GALNT18: variants seen among roughly 807,000 people sequenced by gnomAD.
The protein encoded by GALNT18 is polypeptide N-acetylgalactosaminyltransferase 18.
In GALNT18, 44 loss-of-function variants were observed where a neutral mutation model predicts 69.5. That is an observed-to-expected ratio of 0.63 (90% confidence interval 0.50 to 0.81). GALNT18 has a LOEUF of 0.81. Ranked by LOEUF, GALNT18 falls within the 40% of genes least tolerant of loss-of-function variation. GALNT18 has a pLI of 0.00. For missense variants in GALNT18, 715 were observed against 810.0 expected, an observed-to-expected ratio of 0.88 and a Z score of 1.42; for synonymous variants, 364 against 318.2, an observed-to-expected ratio of 1.14 and a Z score of -1.53.
Position 11,538,370 on chromosome 11 carries a change from C to CT in GALNT18, c.235+82988dup, listed in dbSNP as rs1857831896. Among the ~76,000 whole-genome samples the CT allele has an allele frequency of 6.6e-6, 1 of 152,160 alleles. No individual in the cohort carries two copies. The highest frequency in any genetic ancestry group is 1.5e-5 in the Non-Finnish European group (1 of 68,036). On this transcript the variant is annotated intron_variant, in intron 1 of 10. Transcript: ENST00000227756. The surrounding 1 kb of genome is among the most constrained non-coding windows in gnomAD (Gnocchi z 5.2). ...AGCAGCTGGAGGAGGGCTGCTCTTT[C>CT]TGCCGCATGTTCATTTCAGCTGAGC...
At chr11:11,448,712 T>C in intron 2 of GALNT18, 32 bp downstream of exon 2, 1 of 1,579,184 alleles carries the variant, frequency 6.3e-7, no homozygotes, top group East Asian at 2.2e-5. Flanking sequence ...CATAGGCAGG[T>C]CGACAAGGGC....
At position 11,358,826 on chromosome 11, in the gene GALNT18, A is replaced by AACACACACACACACACACACACACAC. The variant is rs10644506; in HGVS notation, c.1092+13663_1092+13688dup. ...AAGCTAACAGCCCCAATCCACACAA[A>AACACACACACACACACACACACACAC]ACACACACACACACACACACACACA... On this transcript the variant is annotated intron_variant, in intron 6 of 10. Transcript: ENST00000227756. Among the ~76,000 whole-genome samples the AACACACACACACACACACACACACAC allele has an allele frequency of 5.4e-4, 60 of 110,904 alleles. 2 individuals carry two copies. Among genetic ancestry groups the AACACACACACACACACACACACACAC allele is most frequent in the Non-Finnish European group, 8.6e-4 (44 of 51,110 alleles). 72.8% of individuals were successfully genotyped at this position (110,904 alleles called of 152,430 possible). A position where few individuals can be genotyped will look rare whatever the true frequency, so the allele number is the denominator to read the frequency against.
At chr11:11,508,727 C>CT (rs1241738722) in intron 1 of GALNT18, among the ~76,000 whole-genome samples, 1 of 152,168 alleles carries the variant, frequency 6.6e-6, no homozygotes, top group Non-Finnish European at 1.5e-5. Flanking sequence ...GCCTTTGGCA[C>CT]TTTTTTCCTA....
chr11:11,548,761 T>A (rs1035622802), intron 1 of GALNT18, among the ~76,000 whole-genome samples: 1 of 152,266 alleles, frequency 6.6e-6, no homozygotes, highest in Non-Finnish European at 1.5e-5. Flanking sequence ...AAAAGTTTCT[T>A]ATCCAAGGCA....
intron 8 of GALNT18, among the ~76,000 whole-genome samples, chr11:11,330,332 A>G (rs1033471873): frequency 6.6e-6 from 1 of 152,252 alleles, no homozygotes. Flanking sequence ...TAGGATAAAA[A>G]TAATTACCAG....
chr11:11,278,079 C>A (rs148532978), intron 10 of GALNT18, among the ~76,000 whole-genome samples: 1 of 151,604 alleles, frequency 6.6e-6, no homozygotes, highest in Non-Finnish European at 1.5e-5. Context: ...CCTCGTTGAT[C>A]TGTCTAGTAT....
intron 9 of GALNT18, among the ~76,000 whole-genome samples, chr11:11,310,595 T>C (rs147794837): frequency 1.7e-3 from 265 of 152,266 alleles, no homozygotes; most frequent in African/African-American, 6.2e-3. Context: ...TCCACTCCCA[T>C]ACGTGTTTCT....
chr11:11,554,987 C>G (rs1442648878), intron 1 of GALNT18, among the ~76,000 whole-genome samples: 1 of 152,218 alleles, frequency 6.6e-6, no homozygotes, highest in Non-Finnish European at 1.5e-5. Context: ...ATCTCTGAAC[C>G]TACTCTTGCA....
chr11:11,348,186 T>C (rs900260530), intron 6 of GALNT18, among the ~76,000 whole-genome samples: 5 of 151,916 alleles, frequency 3.3e-5, no homozygotes, highest in African/African-American at 9.7e-5. Context: ...GACACCAGCC[T>C]GGCCAACATG....
At chr11:11,499,287 A>G (rs1285025888) in intron 1 of GALNT18, among the ~76,000 whole-genome samples, 3 of 152,220 alleles carry the variant, frequency 2.0e-5, no homozygotes, top group Non-Finnish European at 2.9e-5. Context: ...GCAGGACATC[A>G]AGTCAATGAG....
intron 1 of GALNT18, among the ~76,000 whole-genome samples, chr11:11,565,072 A>G (rs1858610466): frequency 6.6e-6 from 1 of 152,204 alleles, no homozygotes; most frequent in Non-Finnish European, 1.5e-5. Context: ...AAGTGACTGG[A>G]AAGGGGCTGT....
At position 11,538,747 on chromosome 11, in the gene GALNT18, G is replaced by A. The variant is rs531213860; in HGVS notation, c.235+82612C>T. Among the ~76,000 whole-genome samples the A allele has an allele frequency of 6.6e-6, 1 of 152,090 alleles. No homozygotes were observed. The highest frequency in any genetic ancestry group is 6.5e-5 in the Admixed American group (1 of 15,270). Reference sequence around the variant, plus strand: ...GGCCTTTGGAAGGATTAAGTGAGGCGCCATCTGGGAAGCACCTGGCCCCAG... The same window carrying A: ...GGCCTTTGGAAGGATTAAGTGAGGCACCATCTGGGAAGCACCTGGCCCCAG... On this transcript the variant is annotated intron_variant, in intron 1 of 10. Coordinates refer to ENST00000227756, the MANE Select transcript of GALNT18 (RefSeq NM_198516.3). The surrounding 1 kb of genome is among the most constrained non-coding windows in gnomAD (Gnocchi z 5.2).
At chr11:11,504,448 A>AG (rs1857030770) in intron 1 of GALNT18, among the ~76,000 whole-genome samples, 1 of 151,492 alleles carries the variant, frequency 6.6e-6, no homozygotes, top group African/African-American at 2.4e-5. Context: ...AGAAAAAAAA[A>AG]ACTTGATCAC....
intron 6 of GALNT18, among the ~76,000 whole-genome samples, chr11:11,367,523 G>A (rs928933367): frequency 6.6e-6 from 1 of 152,152 alleles, no homozygotes; most frequent in African/African-American, 2.4e-5. Flanking sequence ...CCAGTCAGGA[G>A]TGATTCACAG....
chr11:11,409,947 T>G (rs987440040), intron 3 of GALNT18, among the ~76,000 whole-genome samples: 2 of 152,148 alleles, frequency 1.3e-5, no homozygotes, highest in East Asian at 3.9e-4. Context: ...TTGGAGCAAC[T>G]AGAAGTTAAC....
intron 1 of GALNT18, among the ~76,000 whole-genome samples, chr11:11,566,831 C>T (rs1466782032): frequency 6.6e-6 from 1 of 152,216 alleles, no homozygotes; most frequent in Admixed American, 6.5e-5. Context: ...ATTCTTCAGA[C>T]CCCTCTGAAG....
intron 10 of GALNT18, among the ~76,000 whole-genome samples, chr11:11,292,590 G>A (rs1220180100): frequency 6.6e-6 from 1 of 152,154 alleles, no homozygotes; most frequent in African/African-American, 2.4e-5. Context: ...CTACATCTGG[G>A]AGACTGGGGG....
At chr11:11,553,575 G>A (rs1029130898) in intron 1 of GALNT18, among the ~76,000 whole-genome samples, 3 of 152,172 alleles carry the variant, frequency 2.0e-5, no homozygotes, top group Non-Finnish European at 4.4e-5. Context: ...GGGTAGTCAG[G>A]GGAGGGAAAA....
intron 1 of GALNT18, among the ~76,000 whole-genome samples, chr11:11,539,991 G>A (rs942757225): frequency 6.6e-6 from 1 of 152,202 alleles, no homozygotes; most frequent in Non-Finnish European, 1.5e-5. Flanking sequence ...GTACCAATGG[G>A]AAATGAGGGG....
Sources: allele counts gnomAD v4.1 joint callset (sites outside exome capture counted in the v4.1 genomes callset), GRCh38; gene constraint gnomAD v4.1.1; non-coding constraint Gnocchi (gnomAD v3.1); transcripts MANE v1.5; gene names NCBI Gene and HGNC (gene_info 2026-07-23, HGNC 2026-07-21).